MYEF2: variants seen among roughly 807,000 people sequenced by gnomAD.
MYEF2 encodes the protein myelin expression factor 2, also known as myelin gene expression factor 2.
Under a neutral mutation model 75.2 loss-of-function variants are expected in MYEF2, and 37 were observed. The ratio of observed to expected loss-of-function variants is 0.49; its 90% CI spans 0.38 to 0.65. MYEF2 has a LOEUF of 0.65. MYEF2 is among the 30% of genes least tolerant of loss of function. The pLI is 0.00. For missense variants in MYEF2, 634 were observed against 771.4 expected (o/e 0.82, Z 2.11); for synonymous variants, 195 against 241.6 (o/e 0.81, Z 1.79).
At chr15:48,168,566 T>C (rs879706892) in intron 2 of MYEF2, 65 bp downstream of exon 2, 2 of 1,285,912 alleles carry the variant, frequency 1.6e-6, no homozygotes, top group Non-Finnish European at 2.2e-6. Context: ...TAAAAATGTT[T>C]GTGTAGTTCC....
chr15:48,146,669 C>G (rs568378922), intron 16 of MYEF2, among the ~76,000 whole-genome samples: 1 of 151,906 alleles, frequency 6.6e-6, no homozygotes, highest in East Asian at 1.9e-4. Context: ...TAGATTCTTA[C>G]TAAGAAGCAA....
chr15:48,160,486 TACAC>T (rs372090273), intron 5 of MYEF2, among the ~76,000 whole-genome samples: 23 of 139,312 alleles, frequency 1.7e-4, no homozygotes, highest in East Asian at 6.3e-4. Flanking sequence ...AAACCAAACA[TACAC>T]ACACACACAC....
At chr15:48,169,308 A>G (rs2040240180) in intron 1 of MYEF2, among the ~76,000 whole-genome samples, 1 of 152,196 alleles carries the variant, frequency 6.6e-6, no homozygotes, top group African/African-American at 2.4e-5. Flanking sequence ...TCTTCTCAGA[A>G]CTTTCTCCTC....
chr15:48,160,455 G>C (rs1444599689), intron 5 of MYEF2, among the ~76,000 whole-genome samples: 1 of 146,818 alleles, frequency 6.8e-6, no homozygotes, highest in Non-Finnish European at 1.5e-5. Context: ...TTTTTTAAGA[G>C]AAACACCCTA....
Position 48,142,445 on chromosome 15 carries a change from G to C in MYEF2, c.*463C>G. On this transcript the variant is annotated 3_prime_UTR_variant, in exon 17 of 17. Transcript: ENST00000324324. ...ATTTAAATCAAATTTTAAAAATCTT[G>C]AACCTTAGAATCTAAAACTTACAGT... is the stretch of plus-strand genomic sequence containing the variant. 1 of 983,370 alleles carries C rather than the reference G, an allele frequency of 1.0e-6. No homozygotes were observed. Among genetic ancestry groups the C allele is most frequent in the Non-Finnish European group, 1.4e-6 (1 of 703,896 alleles). 60.9% of individuals were successfully genotyped at this position (983,370 alleles called of 1,614,324 possible). A position where few individuals can be genotyped will look rare whatever the true frequency, so the allele number is the denominator to read the frequency against.
Position 48,141,934 on chromosome 15 carries a change from A to G in MYEF2, c.*974T>C, listed in dbSNP as rs1006777930. 1.5e-4 allele frequency: 140 copies of G among 962,538 alleles called. No individual in the cohort carries two copies. The highest frequency in any genetic ancestry group is 2.0e-4 in the Non-Finnish European group (137 of 676,134). The allele number at this position is 962,538 out of a possible 1,614,324, so 59.6% of individuals were successfully genotyped here. A position where few individuals can be genotyped will look rare whatever the true frequency, so the allele number is the denominator to read the frequency against. On this transcript the variant is annotated 3_prime_UTR_variant, in exon 17 of 17. Transcript: ENST00000324324. ...CAACAATTTTTCAAAACGAATCAACAACAAAAAAGTATCCAGTGTTTCTTT... is the reference window on the plus strand; with the variant it reads ...CAACAATTTTTCAAAACGAATCAACGACAAAAAAGTATCCAGTGTTTCTTT...
At chr15:48,177,987 G>A (rs1474064169) in intron 1 of MYEF2, 90 bp downstream of exon 1, 5 of 1,482,180 alleles carry the variant, frequency 3.4e-6, no homozygotes, top group Non-Finnish European at 4.5e-6. Flanking sequence ...GGGGGTGGTT[G>A]TCCCCCATCG....
At chr15:48,175,838 A>G (rs1393218736) in intron 1 of MYEF2, among the ~76,000 whole-genome samples, 1 of 152,196 alleles carries the variant, frequency 6.6e-6, no homozygotes, top group African/African-American at 2.4e-5. Flanking sequence ...ATTTGGCGTT[A>G]AAGAAGAAGA....
chr15:48,136,394 C>A lies in MYEF2; in HGVS notation c.*6514G>T, dbSNP rs965828. 1 allele frequency: 255,591 copies of A among 255,964 alleles called. 127,611 individuals carry two copies. The highest frequency in any genetic ancestry group is 1 in the Middle Eastern group (862 of 862). 15.9% of individuals were successfully genotyped at this position (255,964 alleles called of 1,614,324 possible). On this transcript the variant is annotated 3_prime_UTR_variant, in exon 17 of 17. Transcript: ENST00000324324. ...TTGAAAATCTCCAATTATCATTTTC[C>A]TTGCATTTTTATACCTATCATTTGG...
At chr15:48,161,271 T>C (rs988521421) in intron 5 of MYEF2, among the ~76,000 whole-genome samples, 10 of 152,108 alleles carry the variant, frequency 6.6e-5, no homozygotes, top group Non-Finnish European at 1.5e-5. Context: ...TGACTGCTAT[T>C]GCTTTTGGAG....
Position 48,141,593 on chromosome 15 carries a change from C to CA in MYEF2, c.*1314dup, listed in dbSNP as rs202102577. ...AGACTGTGTCTCAAAAAACAAAAAC[C>CA]AAAAAAAAAAAAAAAAGTTTACTTC... On this transcript the variant is annotated 3_prime_UTR_variant, in exon 17 of 17. Coordinates refer to ENST00000324324, the MANE Select transcript of MYEF2 (RefSeq NM_016132.5). 11,811 of 104,514 alleles carry CA rather than the reference C, an allele frequency of 0.11. 1,172 individuals carry two copies. Among genetic ancestry groups the CA allele is most frequent in the East Asian group, 0.44 (1,946 of 4,388 alleles). The allele number at this position is 104,514 out of a possible 1,614,324, so 6.5% of individuals were successfully genotyped here.
rs2140887523 is a variant in MYEF2 at position 48,159,735 on chromosome 15, G to A, written c.595C>T (p.Pro199Ser). 6.2e-7 allele frequency: 1 copy of A among 1,613,552 alleles called. No homozygotes were observed. The highest frequency in any genetic ancestry group is 2.2e-5 in the East Asian group (1 of 44,862). Residue 199 changes from proline (P) to serine (S), a missense_variant, in exon 6 of 17, where the codon CCT (proline) becomes TCT (serine). Coordinates refer to ENST00000324324, the MANE Select transcript of MYEF2 (RefSeq NM_016132.5). The stretch of plus-strand genomic sequence containing the variant: ...TTCATCAACCCTGATCCCATATCAG[G>A]GACGTGTCCTCCTGGAAATGATCCT... ...TGGSFPGGHV[P>S]DMGSGLMNLP...
Position 48,178,135 on chromosome 15 carries a change from G to C in MYEF2, c.103C>G (p.Pro35Ala). 6.3e-7 allele frequency: 1 copy of C among 1,584,554 alleles called. No individual in the cohort carries two copies. The highest frequency in any genetic ancestry group is 8.6e-7 in the Non-Finnish European group (1 of 1,166,380). The change falls in exon 1 of 17, where the codon CCC (proline) becomes GCC (alanine). Residue 35 changes from proline to alanine, a missense_variant. By Grantham distance (27) the Pro-to-Ala change is conservative. Coordinates refer to ENST00000324324, the MANE Select transcript of MYEF2 (RefSeq NM_016132.5). The part of the protein sequence containing the change: ...PPGEPRREPH[P>A]AEAEKQQPQH... ...GGCTGCTGCTTCTCCGCCTCCGCGGGGTGCGGCTCTCGCCGCGGCTCGCCC... is the reference window on the plus strand; with the variant it reads ...GGCTGCTGCTTCTCCGCCTCCGCGGCGTGCGGCTCTCGCCGCGGCTCGCCC...
In MYEF2 at chr15:48,138,923, T is replaced by C. The variant is rs765718744; in HGVS notation, c.*3985A>G. The C allele has an allele frequency of 4.2e-5, 59 of 1,394,462 alleles. No individual in the cohort carries two copies. The highest frequency in any genetic ancestry group is 1.2e-4 in the South Asian group (10 of 80,222). 86.4% of individuals were successfully genotyped at this position (1,394,462 alleles called of 1,614,324 possible). A position where few individuals can be genotyped will look rare whatever the true frequency, so the allele number is the denominator to read the frequency against. On this transcript the variant is annotated 3_prime_UTR_variant, in exon 17 of 17. Coordinates refer to ENST00000324324, the MANE Select transcript of MYEF2 (RefSeq NM_016132.5). ...TTCTAAATAGGCATTTCTAACTTAATTAGCCATTTGAGAAAACTCAAAAGT... is the reference window on the plus strand; with the variant it reads ...TTCTAAATAGGCATTTCTAACTTAACTAGCCATTTGAGAAAACTCAAAAGT...
At chr15:48,145,974 T>C (rs900366164) in intron 16 of MYEF2, among the ~76,000 whole-genome samples, 5 of 151,924 alleles carry the variant, frequency 3.3e-5, no homozygotes, top group African/African-American at 1.2e-4. Context: ...AGCCTCCATT[T>C]TCCATGCAGT....
chr15:48,162,721 A>G (rs1008685405), intron 5 of MYEF2: 1 of 151,986 alleles, frequency 6.6e-6, no homozygotes, highest in Non-Finnish European at 1.5e-5. Context: ...CAATATCTCA[A>G]CCTTCTTCAT....
intron 16 of MYEF2, among the ~76,000 whole-genome samples, chr15:48,145,197 T>C (rs2039235947): frequency 6.6e-6 from 1 of 151,786 alleles, no homozygotes; most frequent in African/African-American, 2.4e-5. Flanking sequence ...CCATAAATAT[T>C]TGTTTTATGG....
Position 48,149,400 on chromosome 15 carries a change from T to A in MYEF2, c.1379-29A>T. On this transcript the variant is annotated intron_variant, in intron 14 of 16. Transcript: ENST00000324324. This position sits in a 1 kb window ranked among gnomAD's most constrained non-coding sequence, Gnocchi z 4.0. ...GATTTTCAAGAAAGGACGGGGGGAT[T>A]TGGGAATTTTGTGTTTTTGTTTCAA... 3 of 1,602,514 alleles carry A rather than the reference T, an allele frequency of 1.9e-6. No homozygotes were observed. The highest frequency in any genetic ancestry group is 2.6e-6 in the Non-Finnish European group (3 of 1,171,718).
At chr15:48,172,777 A>T (rs994290989) in intron 1 of MYEF2, among the ~76,000 whole-genome samples, 5 of 152,172 alleles carry the variant, frequency 3.3e-5, no homozygotes, top group African/African-American at 1.2e-4. Flanking sequence ...GAAGAAATTA[A>T]TAAATTCCTG....
Sources: allele counts gnomAD v4.1 joint callset (sites outside exome capture counted in the v4.1 genomes callset), GRCh38; gene constraint gnomAD v4.1.1; non-coding constraint Gnocchi (gnomAD v3.1); transcripts MANE v1.5; gene names NCBI Gene and HGNC (gene_info 2026-07-23, HGNC 2026-07-21).